RNF185: variants seen among roughly 807,000 people sequenced by gnomAD.
RNF185 encodes ring finger protein 185.
A neutral mutation model predicts 24.9 loss-of-function variants in RNF185; 13 were observed. That is an observed-to-expected ratio of 0.52 (90% CI 0.34 to 0.83). The LOEUF (loss-of-function observed/expected upper bound fraction) is 0.83, where lower values mean the gene tolerates loss of function less well. Among genes scored for constraint, RNF185 ranks in the 40% least tolerant of loss-of-function variants. RNF185 has a pLI of 0.01. For missense variants in RNF185, 184 were observed against 244.7 expected (o/e 0.75, Z 1.65); for synonymous variants, 79 against 90.3 (o/e 0.88, Z 0.71).
chr22:31,196,106 C>T (rs544563180), intron 4 of RNF185, among the ~76,000 whole-genome samples: 10 of 152,188 alleles, frequency 6.6e-5, no homozygotes, highest in Non-Finnish European at 1.5e-4. Flanking sequence ...TAGACTTTCT[C>T]TTAAAGGGAC....
At chr22:31,191,677 A>C (rs2048156634) in intron 2 of RNF185, among the ~76,000 whole-genome samples, 1 of 152,076 alleles carries the variant, frequency 6.6e-6, no homozygotes, top group Admixed American at 6.6e-5. Flanking sequence ...CTAAAAATAC[A>C]AAAAATTAGC....
chr22:31,182,732 A>G (rs1436928471), intron 1 of RNF185, among the ~76,000 whole-genome samples: 1 of 148,448 alleles, frequency 6.7e-6, no homozygotes, highest in African/African-American at 2.6e-5. Flanking sequence ...TGGTTGGAAT[A>G]TCTCGTATCT....
intron 2 of RNF185, 98 bp from the exon 3 acceptor site, chr22:31,192,586 A>G (rs548610762): frequency 4.0e-6 from 4 of 995,508 alleles, no homozygotes; most frequent in African/African-American, 3.2e-5. Context: ...TGCTACTACC[A>G]CTCCACCCAT....
At chr22:31,190,257 T>C (rs1486659651) in intron 2 of RNF185, among the ~76,000 whole-genome samples, 1 of 152,126 alleles carries the variant, frequency 6.6e-6, no homozygotes, top group Non-Finnish European at 1.5e-5. Context: ...TGCGTTACCT[T>C]TTCTGTGTTA....
intron 6 of RNF185, among the ~76,000 whole-genome samples, chr22:31,202,682 G>A (rs1172559988): frequency 4.3e-5 from 6 of 140,740 alleles, no homozygotes; most frequent in Middle Eastern, 4.0e-3. Flanking sequence ...GCACAATCTC[G>A]GCTCACTGCA....
chr22:31,184,514 G>A (rs923354929), intron 1 of RNF185, among the ~76,000 whole-genome samples: 1 of 152,172 alleles, frequency 6.6e-6, no homozygotes, highest in African/African-American at 2.4e-5. Flanking sequence ...TAGATGGGGT[G>A]GCGGCCGGGC....
intron 6 of RNF185, among the ~76,000 whole-genome samples, chr22:31,202,158 T>A (rs1201794668): frequency 6.6e-6 from 1 of 152,134 alleles, no homozygotes; most frequent in Non-Finnish European, 1.5e-5. Context: ...TGCCTAGGTC[T>A]ACCAACTGCT....
Position 31,195,562 on chromosome 22 carries a change from A to T in RNF185, c.289A>T (p.Thr97Ser). 6.2e-7 allele frequency: 1 copy of T among 1,608,192 alleles called. No individual in the cohort carries two copies. Among genetic ancestry groups the T allele is most frequent in the Non-Finnish European group, 8.5e-7 (1 of 1,177,256 alleles). ...KVIPLYGRGS[T>S]GQQDPREKTP... Reference sequence around the variant, plus strand: ...CATCCCCCTCTATGGAAGGGGCAGCACTGGGCAACAGGACCCCAGGTGAGG... The same window carrying T: ...CATCCCCCTCTATGGAAGGGGCAGCTCTGGGCAACAGGACCCCAGGTGAGG... The change falls in exon 4 of 7, where the codon ACT (threonine) becomes TCT (serine). Residue 97 changes from threonine to serine, a missense_variant. By Grantham distance (58) the Thr-to-Ser change is moderately conservative. Transcript: ENST00000326132.
chr22:31,176,302 C>A (rs1327307118), intron 1 of RNF185, among the ~76,000 whole-genome samples: 1 of 149,346 alleles, frequency 6.7e-6, no homozygotes, highest in African/African-American at 2.5e-5. Context: ...AGTGGGCTCG[C>A]TGCAGCCTCT....
chr22:31,170,701 G>A (rs1274061304), intron 1 of RNF185, among the ~76,000 whole-genome samples: 2 of 151,096 alleles, frequency 1.3e-5, no homozygotes, highest in Non-Finnish European at 2.9e-5. Context: ...GTAGAGATAG[G>A]GTTTCACCAT....
At chr22:31,178,461 A>G (rs1413815420) in intron 1 of RNF185, among the ~76,000 whole-genome samples, 1 of 152,208 alleles carries the variant, frequency 6.6e-6, no homozygotes, top group Non-Finnish European at 1.5e-5. Context: ...TTAAAAGCAT[A>G]CAGATTCTTA....
intron 3 of RNF185, among the ~76,000 whole-genome samples, chr22:31,194,440 G>C (rs1168704627): frequency 6.6e-6 from 1 of 152,032 alleles, no homozygotes; most frequent in Admixed American, 6.5e-5. Context: ...CTATAAAAAT[G>C]AGAAATTGGC....
intron 1 of RNF185, among the ~76,000 whole-genome samples, chr22:31,184,284 C>T (rs937555981): frequency 3.3e-5 from 5 of 151,384 alleles, no homozygotes; most frequent in African/African-American, 1.2e-4. Context: ...GACGGGGTCG[C>T]GGCCTGGCAG....
chr22:31,175,172 G>A (rs756878238), intron 1 of RNF185, among the ~76,000 whole-genome samples: 5 of 151,992 alleles, frequency 3.3e-5, no homozygotes, highest in Non-Finnish European at 7.4e-5. Flanking sequence ...TCTGGGCTTG[G>A]TGGCTGATTG....
At chr22:31,201,441 AG>A (rs2048262213) in intron 5 of RNF185, 56 bp from the exon 6 acceptor site, 11 of 1,263,348 alleles carry the variant, frequency 8.7e-6, no homozygotes, top group Non-Finnish European at 1.0e-5. Context: ...GAGTTTTGAC[AG>A]GCACAGGAGA....
chr22:31,165,548 C>G (rs1282515966), intron 1 of RNF185, among the ~76,000 whole-genome samples: 3 of 152,166 alleles, frequency 2.0e-5, no homozygotes, highest in Non-Finnish European at 4.4e-5. Context: ...GAGGCAATGC[C>G]AGTATGTCCC....
chr22:31,186,129 CT>C (rs2048096200), intron 1 of RNF185, among the ~76,000 whole-genome samples: 1 of 152,088 alleles, frequency 6.6e-6, no homozygotes, highest in African/African-American at 2.4e-5. Context: ...ACATAAACCT[CT>C]TCTTTAAATG....
At chr22:31,201,370 CAT>C (rs1015689365) in intron 5 of RNF185, 126 bp from the exon 6 acceptor site, 4 of 739,228 alleles carry the variant, frequency 5.4e-6, no homozygotes, top group Non-Finnish European at 7.4e-6. Flanking sequence ...ACCTTCGAAA[CAT>C]GTGGCACAAG....
In RNF185 at chr22:31,192,717, A is replaced by G; in HGVS notation, c.195+15A>G. 1.9e-6 allele frequency: 3 copies of G among 1,612,892 alleles called. No individual in the cohort carries two copies. Among genetic ancestry groups the G allele is most frequent in the East Asian group, 2.2e-5 (1 of 44,828 alleles). On this transcript the variant is annotated intron_variant, in intron 3 of 6. Coordinates refer to ENST00000326132, the MANE Select transcript of RNF185 (RefSeq NM_152267.4). ...GTTTACATCAGGTAAGATGCATTTC[A>G]TTTTACTTTGTCTTTCATCAGCTCT...
Sources: allele counts gnomAD v4.1 joint callset (sites outside exome capture counted in the v4.1 genomes callset), GRCh38; gene constraint gnomAD v4.1.1; transcripts MANE v1.5; gene names NCBI Gene and HGNC (gene_info 2026-07-23, HGNC 2026-07-21).